The following ZNF253 variants were observed in gnomAD, a reference collection of about 807,000 sequenced individuals.
The protein encoded by ZNF253 is DNA-binding protein.
In ZNF253, 8 loss-of-function variants were observed where a neutral mutation model predicts 11.9. That is an observed-to-expected ratio of 0.67 (90% CI 0.40 to 1.22). The LOEUF (loss-of-function observed/expected upper bound fraction) is 1.22. ZNF253 is among the 50% of genes most tolerant of loss of function. ZNF253 has a pLI of 0.01. For missense variants in ZNF253, 485 were observed against 586.9 expected (o/e 0.83, Z 1.79); for synonymous variants, 194 against 194.9 (o/e 1.00, Z 0.04).
At chr19:19,874,863 G>C (rs1015146237) in intron 1 of ZNF253, among the ~76,000 whole-genome samples, 12 of 152,112 alleles carry the variant, frequency 7.9e-5, no homozygotes, top group Non-Finnish European at 1.6e-4. Context: ...AGTTAGCCGA[G>C]ATCGCGCCAC....
Position 19,894,226 on chromosome 19 carries a change from A to C in ZNF253, c.*1479A>C, listed in dbSNP as rs762096472. On this transcript the variant is annotated 3_prime_UTR_variant, in exon 4 of 4. Coordinates refer to ENST00000589717, the MANE Select transcript of ZNF253 (RefSeq NM_021047.3). ...TTTTTGAAGCACTGTAATTACATTG[A>C]AAGTATACTTGTTTTCTTGAAAAAA... The C allele has an allele frequency of 2.0e-5, 3 of 152,210 alleles. No homozygotes were observed. The highest frequency in any genetic ancestry group is 4.4e-5 in the Non-Finnish European group (3 of 68,034). 9.4% of individuals were successfully genotyped at this position (152,210 alleles called of 1,614,324 possible).
At chr19:19,872,546 T>A (rs1483081849) in intron 1 of ZNF253, among the ~76,000 whole-genome samples, 1 of 141,248 alleles carries the variant, frequency 7.1e-6, no homozygotes, top group Admixed American at 7.1e-5. Flanking sequence ...CTATATCCCA[T>A]ACCCTAAACC....
chr19:19,880,200 G>T, intron 3 of ZNF253, 54 bp downstream of exon 3: 1 of 1,331,498 alleles, frequency 7.5e-7, no homozygotes, highest in South Asian at 1.3e-5. Context: ...AGGTCCCAAT[G>T]TCAAAGAGAA....
At chr19:19,876,282 A>G (rs2063155788) in intron 1 of ZNF253, among the ~76,000 whole-genome samples, 1 of 148,684 alleles carries the variant, frequency 6.7e-6, no homozygotes, top group African/African-American at 2.5e-5. Flanking sequence ...CAAAATTATC[A>G]AGTGATTTAT....
At chr19:19,871,658 G>T (rs1244827763) in intron 1 of ZNF253, among the ~76,000 whole-genome samples, 2 of 152,094 alleles carry the variant, frequency 1.3e-5, no homozygotes. Context: ...GTGAATTTAG[G>T]ATGAACTATG....
intron 3 of ZNF253, among the ~76,000 whole-genome samples, chr19:19,883,548 T>C (rs1431130576): frequency 6.6e-6 from 1 of 152,026 alleles, no homozygotes; most frequent in East Asian, 1.9e-4. Flanking sequence ...ACATTGCAGG[T>C]TGGGGGACAG....
At chr19:19,887,709 G>A (rs1260008527) in intron 3 of ZNF253, among the ~76,000 whole-genome samples, 1 of 150,254 alleles carries the variant, frequency 6.7e-6, no homozygotes, top group Non-Finnish European at 1.5e-5. Flanking sequence ...GCCACTTTCA[G>A]TCTTTGTCAT....
At chr19:19,875,556 C>T (rs981301254) in intron 1 of ZNF253, among the ~76,000 whole-genome samples, 8 of 152,152 alleles carry the variant, frequency 5.3e-5, no homozygotes, top group Middle Eastern at 3.4e-3. Flanking sequence ...CCACCACGCC[C>T]GGCTAATTTT....
intron 3 of ZNF253, among the ~76,000 whole-genome samples, chr19:19,884,097 CAT>C (rs2063189056): frequency 6.7e-6 from 1 of 150,186 alleles, no homozygotes; most frequent in Non-Finnish European, 1.5e-5. Flanking sequence ...TAAGTGGAAT[CAT>C]ATAGTATCCA....
At chr19:19,877,236 A>T (rs1871402581) in intron 1 of ZNF253, among the ~76,000 whole-genome samples, 1 of 152,240 alleles carries the variant, frequency 6.6e-6, no homozygotes, top group Non-Finnish European at 1.5e-5. Flanking sequence ...CCTACTTAAA[A>T]TTCCTACTAA....
At chr19:19,866,501 GTT>G (rs34627033) in intron 1 of ZNF253, among the ~76,000 whole-genome samples, 2 of 144,496 alleles carry the variant, frequency 1.4e-5, no homozygotes, top group African/African-American at 5.1e-5. Context: ...AGGAAGGAAG[GTT>G]TTTTTTTTTT....
rs2063239778 is a variant in ZNF253 at position 19,892,913 on chromosome 19, C to T, written c.*166C>T. ...TTCTCAACCCTTATTACACATAATT[C>T]ATACCAAACAGAAGCCCTACAAGTG... On this transcript the variant is annotated 3_prime_UTR_variant, in exon 4 of 4. Transcript: ENST00000589717. The T allele has an allele frequency of 3.0e-6, 2 of 662,610 alleles. No homozygotes were observed. The highest frequency in any genetic ancestry group is 3.1e-5 in the Admixed American group (1 of 32,050). 41.0% of individuals were successfully genotyped at this position (662,610 alleles called of 1,614,324 possible).
chr19:19,877,974 A>G (rs1025910188), intron 1 of ZNF253, among the ~76,000 whole-genome samples: 2 of 152,078 alleles, frequency 1.3e-5, no homozygotes, highest in South Asian at 2.1e-4. Flanking sequence ...CATTTACTCA[A>G]TGTTTGACAA....
At chr19:19,869,399 T>C (rs2063123393) in intron 1 of ZNF253, among the ~76,000 whole-genome samples, 1 of 152,116 alleles carries the variant, frequency 6.6e-6, no homozygotes, top group South Asian at 2.1e-4. Context: ...TGTTTTGCTC[T>C]TGTTGTCCAG....
chr19:19,866,381 C>T (rs1271881417), intron 1 of ZNF253, among the ~76,000 whole-genome samples: 1 of 152,078 alleles, frequency 6.6e-6, no homozygotes, highest in Non-Finnish European at 1.5e-5. Context: ...CGCAAAACAA[C>T]ACAAAACAAA....
intron 1 of ZNF253, among the ~76,000 whole-genome samples, chr19:19,867,202 G>T (rs540885974): frequency 6.6e-6 from 1 of 152,258 alleles, no homozygotes; most frequent in African/African-American, 2.4e-5. Context: ...TTAGCTGGGT[G>T]TGATGGCGAA....
chr19:19,869,196 G>C (rs1026846059), intron 1 of ZNF253, among the ~76,000 whole-genome samples: 2 of 152,082 alleles, frequency 1.3e-5, no homozygotes, highest in African/African-American at 2.4e-5. Context: ...ACAGAAACCT[G>C]ATTATCCAAG....
At chr19:19,873,472 G>A (rs2063143012) in intron 1 of ZNF253, among the ~76,000 whole-genome samples, 1 of 152,116 alleles carries the variant, frequency 6.6e-6, no homozygotes, top group Non-Finnish European at 1.5e-5. Context: ...GGTATTTGAG[G>A]ATGTCCAGAG....
At chr19:19,867,318 A>G (rs2063115919) in intron 1 of ZNF253, among the ~76,000 whole-genome samples, 1 of 149,626 alleles carries the variant, frequency 6.7e-6, no homozygotes, top group Admixed American at 6.8e-5. Context: ...GCCAGAGAGT[A>G]TTCCATGATA....
Sources: allele counts gnomAD v4.1 joint callset (sites outside exome capture counted in the v4.1 genomes callset), GRCh38; gene constraint gnomAD v4.1.1; transcripts MANE v1.5; gene names NCBI Gene and HGNC (gene_info 2026-07-23, HGNC 2026-07-21).